The following CFTR variants were observed in gnomAD, a reference collection of about 807,000 sequenced individuals.
The protein encoded by CFTR is cystic fibrosis transmembrane conductance regulator.
Under a neutral mutation model 171.6 loss-of-function variants are expected in CFTR, and 181 were observed. That is an observed-to-expected ratio of 1.05 (90% CI 0.93 to 1.19). The LOEUF (loss-of-function observed/expected upper bound fraction) is 1.19. Among genes scored for constraint, CFTR ranks in the 50% most tolerant of loss-of-function variants. The pLI is 0.00. For missense variants in CFTR, 1,968 were observed against 1,734.7 expected, an observed-to-expected ratio of 1.13 and a Z score of -2.39; for synonymous variants, 583 against 608.0, an observed-to-expected ratio of 0.96 and a Z score of 0.60.
In CFTR at chr7:117,668,120, A is replaced by G. The variant is rs1793416500; in HGVS notation, c.*1012A>G. On this transcript the variant is annotated 3_prime_UTR_variant, in exon 27 of 27. Transcript: ENST00000003084. Reference sequence around the variant, plus strand: ...TTTTCAGGCTAGATGTATGTACTTCATGCTGTCTACACTAAGAGAGAATGA... The same window carrying G: ...TTTTCAGGCTAGATGTATGTACTTCGTGCTGTCTACACTAAGAGAGAATGA... The G allele has an allele frequency of 6.6e-6, 1 of 152,166 alleles. No homozygotes were observed. The highest frequency in any genetic ancestry group is 2.4e-5 in the African/African-American group (1 of 41,432). The allele number at this position is 152,166 out of a possible 1,614,324, so 9.4% of individuals were successfully genotyped here. A position where few individuals can be genotyped will look rare whatever the true frequency, so the allele number is the denominator to read the frequency against.
intron 3 of CFTR, among the ~76,000 whole-genome samples, chr7:117,509,910 C>T (rs376231144): frequency 6.6e-6 from 1 of 152,132 alleles, no homozygotes; most frequent in Non-Finnish European, 1.5e-5. Flanking sequence ...GTTTACTTAT[C>T]ATATGGATTG....
intron 11 of CFTR, among the ~76,000 whole-genome samples, chr7:117,573,979 T>C (rs1378818760): frequency 1.3e-5 from 2 of 152,112 alleles, no homozygotes; most frequent in African/African-American, 4.8e-5. Flanking sequence ...TGTGTAAGGC[T>C]TCTCTGATAA....
At chr7:117,642,313 G>GA in intron 22 of CFTR, 125 bp from the exon 23 acceptor site, 1 of 974,152 alleles carries the variant, frequency 1.0e-6, no homozygotes, top group South Asian at 1.3e-5. Flanking sequence ...ATGAATAAGT[G>GA]AAAATCTTCC....
intron 11 of CFTR, among the ~76,000 whole-genome samples, chr7:117,581,371 G>A (rs1041771671): frequency 2.6e-5 from 4 of 152,074 alleles, no homozygotes; most frequent in Non-Finnish European, 5.9e-5. Context: ...TACGTGATCA[G>A]GCCTTAAAAA....
At chr7:117,590,058 T>C (rs1792002228) in intron 12 of CFTR, among the ~76,000 whole-genome samples, 1 of 152,092 alleles carries the variant, frequency 6.6e-6, no homozygotes, top group Non-Finnish European at 1.5e-5. Flanking sequence ...TGACTTTTGC[T>C]AGTTTATGCC....
chr7:117,535,247 G>A lies in CFTR; in HGVS notation c.580-1G>A, dbSNP rs121908793. On this transcript the variant is annotated splice_acceptor_variant, in intron 5 of 26. Transcript: ENST00000003084. LOFTEE classifies it high-confidence loss of function. ...GTTTTTGCTGTGCTTTTATTTTCCA[G>A]GGACTTGCATTGGCACATTTCGTGT... is the stretch of plus-strand genomic sequence containing the variant. 1 of 1,614,084 alleles carries A rather than the reference G, an allele frequency of 6.2e-7. No homozygotes were observed. The highest frequency in any genetic ancestry group is 1.1e-5 in the South Asian group (1 of 91,078).
chr7:117,487,004 A>G (rs1798086041), intron 1 of CFTR, among the ~76,000 whole-genome samples: 1 of 151,882 alleles, frequency 6.6e-6, no homozygotes, highest in Non-Finnish European at 1.5e-5. Flanking sequence ...GTTAAGGATA[A>G]CATCTATATT....
chr7:117,654,428 A>G (rs1055532987), intron 24 of CFTR, among the ~76,000 whole-genome samples: 4 of 152,106 alleles, frequency 2.6e-5, no homozygotes, highest in Non-Finnish European at 5.9e-5. Context: ...GCAATGGAGT[A>G]TGGGGAGCTG....
intron 8 of CFTR, among the ~76,000 whole-genome samples, chr7:117,540,591 G>T (rs1244931130): frequency 1.3e-5 from 2 of 152,230 alleles, no homozygotes; most frequent in Admixed American, 6.5e-5. Flanking sequence ...CAATAATACT[G>T]ATGTAGCTAG....
intron 24 of CFTR, among the ~76,000 whole-genome samples, chr7:117,654,850 C>T (rs1036598134): frequency 3.3e-5 from 5 of 152,164 alleles, no homozygotes; most frequent in Non-Finnish European, 5.9e-5. Context: ...TGAGGTGGCA[C>T]GGGGCAGTTG....
intron 13 of CFTR, among the ~76,000 whole-genome samples, chr7:117,591,319 C>A (rs1313836174): frequency 6.6e-6 from 1 of 151,708 alleles, no homozygotes. Flanking sequence ...CATTTTAATG[C>A]CTAAAAAAAC....
intron 17 of CFTR, among the ~76,000 whole-genome samples, chr7:117,605,786 G>T (rs1792292069): frequency 1.3e-5 from 2 of 152,168 alleles, no homozygotes; most frequent in Admixed American, 1.3e-4. Flanking sequence ...GGATATTTGA[G>T]CAGAGGAAGC....
chr7:117,558,660 T>C (rs1799403190), intron 10 of CFTR, among the ~76,000 whole-genome samples: 1 of 152,316 alleles, frequency 6.6e-6, no homozygotes, highest in African/African-American at 2.4e-5. Context: ...TTATCTTTTT[T>C]CAGATTTATC....
intron 11 of CFTR, among the ~76,000 whole-genome samples, chr7:117,577,167 A>T (rs1398465239): frequency 6.6e-6 from 1 of 152,166 alleles, no homozygotes; most frequent in East Asian, 1.9e-4. Flanking sequence ...GTGAAAACAC[A>T]AAGTGATGGA....
chr7:117,523,312 T>C (rs1007879375), intron 3 of CFTR, among the ~76,000 whole-genome samples: 2 of 152,078 alleles, frequency 1.3e-5, no homozygotes, highest in Non-Finnish European at 2.9e-5. Flanking sequence ...CACCTATGAA[T>C]AGCCCTTGCA....
In CFTR at chr7:117,490,838, A is replaced by G. The variant is rs572500989; in HGVS notation, c.53+10691A>G. 9.2e-5 allele frequency among the ~76,000 whole-genome samples: 14 copies of G among 152,048 alleles called. No homozygotes were observed. The East Asian group carries it at 2.3e-3, about 25-fold the overall frequency. ...TCTCTAAATTTATCCCTCCTTTCCT[A>G]TGAATTAGACCCAGTGCTTTCTCTG... On this transcript the variant is annotated intron_variant, in intron 1 of 26. Coordinates refer to ENST00000003084, the MANE Select transcript of CFTR (RefSeq NM_000492.4).
chr7:117,642,949 A>T (rs561548217), intron 23 of CFTR, among the ~76,000 whole-genome samples: 1 of 152,200 alleles, frequency 6.6e-6, no homozygotes, highest in Non-Finnish European at 1.5e-5. Flanking sequence ...GACATAACAG[A>T]TGCTCCTGAA....
intron 1 of CFTR, among the ~76,000 whole-genome samples, chr7:117,494,898 T>A (rs1038925400): frequency 3.9e-5 from 6 of 152,156 alleles, no homozygotes; most frequent in Admixed American, 3.9e-4. Flanking sequence ...TACTTAAAAC[T>A]GTTTCTCTGC....
At chr7:117,615,615 A>G (rs1200047765) in intron 21 of CFTR, among the ~76,000 whole-genome samples, 1 of 151,830 alleles carries the variant, frequency 6.6e-6, no homozygotes, top group African/African-American at 2.4e-5. Context: ...GTGTACAAAG[A>G]CCACATTTTA....
Sources: gnomAD v4.1 joint callset for allele counts (sites outside exome capture counted in the v4.1 genomes callset) on GRCh38, gnomAD v4.1.1 for gene constraint, MANE v1.5 for transcripts, NCBI Gene and HGNC (gene_info 2026-07-23, HGNC 2026-07-21) for gene names.